The following ERC2 variants were observed in gnomAD, a reference collection of about 807,000 sequenced individuals.
ERC2 encodes the protein ELKS/RAB6-interacting/CAST family member 2.
In ERC2, 42 loss-of-function variants were observed where a neutral mutation model predicts 114.8. The ratio of observed to expected loss-of-function variants is 0.37; its 90% CI spans 0.29 to 0.47. ERC2 has a LOEUF of 0.47. ERC2 is among the 20% of genes least tolerant of loss of function. ERC2 has a pLI of 0.99. For missense variants in ERC2, 939 were observed against 1,150.7 expected (o/e 0.82, Z 2.66); for synonymous variants, 454 against 425.5 (o/e 1.07, Z -0.82).
chr3:55,872,171 G>C (rs947591925), intron 14 of ERC2, among the ~76,000 whole-genome samples: 31 of 152,084 alleles, frequency 2.0e-4, no homozygotes, highest in Non-Finnish European at 4.4e-5. Context: ...CAAGCCCATT[G>C]GCCCAACAGG....
chr3:56,363,814 GGAGA>G (rs1490439445), intron 2 of ERC2, among the ~76,000 whole-genome samples: 4 of 137,160 alleles, frequency 2.9e-5, no homozygotes, highest in Non-Finnish European at 4.7e-5. Context: ...AGGGAGGGAG[GGAGA>G]AAGGGAGGGA....
rs1169965840 is a variant in ERC2, at chr3:55,544,622, T to C, written c.*40-33346A>G. ...GAATTCTGAGTTGTTTGCCAAATGC[T>C]GGATCCTCGCTGGATACTCCTTGGA... On this transcript the variant is annotated intron_variant, in intron 17 of 17. Transcript: ENST00000288221. Among the ~76,000 whole-genome samples the C allele has an allele frequency of 4.6e-5, 7 of 152,352 alleles. No individual in the cohort carries two copies. In the South Asian group the frequency reaches 1.2e-3, roughly 27 times the overall value.
At chr3:56,132,816 T>C (rs777733119) in intron 6 of ERC2, among the ~76,000 whole-genome samples, 8 of 152,226 alleles carry the variant, frequency 5.3e-5, no homozygotes, top group Non-Finnish European at 1.0e-4. Flanking sequence ...TATGTATGTG[T>C]ATGTTTGTAT....
At chr3:56,077,326 G>C (rs533148626) in intron 7 of ERC2, among the ~76,000 whole-genome samples, 127 of 152,222 alleles carry the variant, frequency 8.3e-4, no homozygotes, top group African/African-American at 2.8e-3. Context: ...GGTAAACTTG[G>C]TTTAAAAACC....
rs185200708 is a variant in ERC2 at position 55,576,319 on chromosome 3, A to T, written c.*40-65043T>A. On this transcript the variant is annotated intron_variant, in intron 17 of 17. Coordinates refer to ENST00000288221, the MANE Select transcript of ERC2 (RefSeq NM_015576.3). The stretch of plus-strand genomic sequence containing the variant: ...AGCAAGACTCCATCTCAAAAAAAAA[A>T]AAAAATAAATCCAAAATAAAAACAT... Among the ~76,000 whole-genome samples the T allele has an allele frequency of 9.5e-3, 1,446 of 152,188 alleles. 21 individuals are homozygous for T. Among genetic ancestry groups the T allele is most frequent in the South Asian group, 0.07 (335 of 4,810 alleles).
rs988747687 is a variant in ERC2 at position 55,816,986 on chromosome 3, T to C, written c.2564+71403A>G. Among the ~76,000 whole-genome samples the C allele has an allele frequency of 2.6e-5, 4 of 152,282 alleles. No homozygotes were observed. The South Asian group carries it at 6.2e-4, about 24-fold the overall frequency. On this transcript the variant is annotated intron_variant, in intron 14 of 17. Transcript: ENST00000288221. ...TCAAATGTGTCAAGATTCCTCAGAA[T>C]ATTCACATCAGAGGCTAGTCTCAGG... is the stretch of plus-strand genomic sequence containing the variant.
At chr3:56,285,054 C>T (rs1431424237) in intron 3 of ERC2, among the ~76,000 whole-genome samples, 1 of 150,814 alleles carries the variant, frequency 6.6e-6, no homozygotes, top group Non-Finnish European at 1.5e-5. Flanking sequence ...CACACACACA[C>T]ACACACACAC....
At chr3:55,869,478 A>AT (rs914858268) in intron 14 of ERC2, among the ~76,000 whole-genome samples, 5 of 152,108 alleles carry the variant, frequency 3.3e-5, no homozygotes, top group African/African-American at 1.2e-4. Flanking sequence ...CCATTTGAAT[A>AT]TTTTTTTGAT....
At chr3:55,990,296 G>T (rs554668741) in intron 11 of ERC2, among the ~76,000 whole-genome samples, 24 of 152,218 alleles carry the variant, frequency 1.6e-4, no homozygotes, top group African/African-American at 5.5e-4. Flanking sequence ...ATAAAAATCA[G>T]ATTATCATCA....
rs1439182253 is a variant in ERC2, at chr3:55,650,908, G to A, written c.*39+32886C>T. Among the ~76,000 whole-genome samples the A allele has an allele frequency of 3.3e-5, 5 of 150,154 alleles. No homozygotes were observed. In the South Asian group the frequency reaches 6.3e-4, roughly 19 times the overall value. ...GTCACCTGGGCTGGAGTGCGGTGGC[G>A]CGATCTCAGCTCACTGCAACCTTCA... On this transcript the variant is annotated intron_variant, in intron 17 of 17. Coordinates refer to ENST00000288221, the MANE Select transcript of ERC2 (RefSeq NM_015576.3).
intron 4 of ERC2, among the ~76,000 whole-genome samples, chr3:56,170,160 C>T (rs1054682613): frequency 5.9e-5 from 9 of 152,350 alleles, no homozygotes; most frequent in Middle Eastern, 6.8e-3. Context: ...AAAATTAAAA[C>T]TTGAAGCTTC....
intron 7 of ERC2, among the ~76,000 whole-genome samples, chr3:56,062,304 A>C (rs2076275851): frequency 6.6e-6 from 1 of 152,222 alleles, no homozygotes; most frequent in Non-Finnish European, 1.5e-5. Flanking sequence ...GCTTCAGGGC[A>C]AAACTGTACA....
At chr3:56,142,731 T>C (rs2080928409) in intron 5 of ERC2, among the ~76,000 whole-genome samples, 1 of 152,176 alleles carries the variant, frequency 6.6e-6, no homozygotes, top group Non-Finnish European at 1.5e-5. Context: ...TTGAAGTCTT[T>C]GCTTTCTGAT....
intron 15 of ERC2, among the ~76,000 whole-genome samples, chr3:55,720,617 T>C (rs760228482): frequency 5.3e-5 from 8 of 152,076 alleles, no homozygotes; most frequent in Non-Finnish European, 1.0e-4. Flanking sequence ...GTTTGCTCAT[T>C]CTGTTCTATT....
At chr3:56,169,224 CT>C (rs2082490542) in intron 4 of ERC2, among the ~76,000 whole-genome samples, 1 of 152,158 alleles carries the variant, frequency 6.6e-6, no homozygotes, top group Non-Finnish European at 1.5e-5. Flanking sequence ...TACTAAAACC[CT>C]TATGTCACTC....
At chr3:55,658,267 C>G (rs752182455) in intron 17 of ERC2, 2 of 152,122 alleles carry the variant, frequency 1.3e-5, no homozygotes, top group African/African-American at 4.8e-5. Context: ...ATGGCCCTGT[C>G]GCTCCCGGTA....
chr3:55,584,688 G>A (rs1315003161), intron 17 of ERC2, among the ~76,000 whole-genome samples: 5 of 152,172 alleles, frequency 3.3e-5, no homozygotes, highest in Non-Finnish European at 5.9e-5. Flanking sequence ...CCCTGCTGAG[G>A]CTGCCTTGTT....
rs191125937 is a variant in ERC2 at position 56,061,817 on chromosome 3, G to A, written c.1641+19000C>T. ...AGAAGAAATACATAAATTACCTTGG[G>A]TGCTTAACTAAGTTCTGTATCTGTA... is the stretch of plus-strand genomic sequence containing the variant. On this transcript the variant is annotated intron_variant, in intron 7 of 17. Coordinates refer to ENST00000288221, the MANE Select transcript of ERC2 (RefSeq NM_015576.3). Among the ~76,000 whole-genome samples, 7 of 152,228 alleles carry A rather than the reference G, an allele frequency of 4.6e-5. No individual in the cohort carries two copies. In the East Asian group the frequency reaches 1.2e-3, roughly 25 times the overall value.
chr3:56,351,075 A>T (rs967100669), intron 2 of ERC2, among the ~76,000 whole-genome samples: 2 of 152,190 alleles, frequency 1.3e-5, no homozygotes, highest in Non-Finnish European at 1.5e-5. Context: ...AGGCAGACAG[A>T]GGAAAGAAAA....
Sources: gnomAD v4.1 joint callset for allele counts (sites outside exome capture counted in the v4.1 genomes callset) on GRCh38, gnomAD v4.1.1 for gene constraint, MANE v1.5 for transcripts, NCBI Gene and HGNC (gene_info 2026-07-23, HGNC 2026-07-21) for gene names.